Variants in SRSF3 observed in about 807,000 individuals in gnomAD.
SRSF3 encodes the protein serine/arginine-rich splicing factor 3.
For synonymous variants in SRSF3, 87 were observed against 73.6 expected, an observed-to-expected ratio of 1.18 and a Z score of -0.93; for missense variants, 58 against 217.1, an observed-to-expected ratio of 0.27 and a Z score of 4.61.
chr6:36,596,066 A>C (rs1442233966), intron 1 of SRSF3, among the ~76,000 whole-genome samples: 1 of 152,084 alleles, frequency 6.6e-6, no homozygotes, highest in Admixed American at 6.6e-5. Context: ...CTGGGACTAC[A>C]GGTGTGCGCC....
rs558539520 is a variant in SRSF3, at chr6:36,602,500, C to G, written c.*511C>G. On this transcript the variant is annotated 3_prime_UTR_variant, in exon 6 of 6. Coordinates refer to ENST00000373715, the MANE Select transcript of SRSF3 (RefSeq NM_003017.5). ...GGTTTTTGAAAAATCCAACTCTCAT[C>G]CTGGGCAGAGGTTGCCTAGTTGGTA... 2.7e-4 allele frequency: 61 copies of G among 223,168 alleles called. No homozygotes were observed. Among genetic ancestry groups the G allele is most frequent in the African/African-American group, 1.2e-3 (54 of 44,866 alleles). The allele number at this position is 223,168 out of a possible 1,614,324, so 13.8% of individuals were successfully genotyped here. A position where few individuals can be genotyped will look rare whatever the true frequency, so the allele number is the denominator to read the frequency against.
chr6:36,596,013 C>T (rs1778621617), intron 1 of SRSF3, among the ~76,000 whole-genome samples: 1 of 152,074 alleles, frequency 6.6e-6, no homozygotes, highest in Non-Finnish European at 1.5e-5. Flanking sequence ...CCACCTCCGC[C>T]TCGCGGGTTC....
At chr6:36,594,770 A>T (rs1006582519) in intron 1 of SRSF3, 2 of 146,486 alleles carry the variant, frequency 1.4e-5, no homozygotes, top group Middle Eastern at 3.3e-3. Flanking sequence ...CGGCCTTTTT[A>T]TTTTTATGGC....
In SRSF3 at chr6:36,601,673, A is replaced by T. The variant is rs761055571; in HGVS notation, c.381-35A>T. The T allele has an allele frequency of 7.9e-6, 12 of 1,521,920 alleles. No individual in the cohort carries two copies. The African/African-American group carries it at 1.2e-4, about 16-fold the overall frequency. 94.3% of individuals were successfully genotyped at this position (1,521,920 alleles called of 1,614,324 possible). On this transcript the variant is annotated intron_variant, in intron 4 of 5. Coordinates refer to ENST00000373715, the MANE Select transcript of SRSF3 (RefSeq NM_003017.5). ...AAATATTTATGTATAATTTTATCAT[A>T]CCTCATTGGTCCTAATGTTTTTTTG...
rs141150636 is a variant in SRSF3 at position 36,604,810 on chromosome 6, C to G, written c.*2821C>G. On this transcript the variant is annotated 3_prime_UTR_variant, in exon 6 of 6. Transcript: ENST00000373715. ...CTTAGTTTTTCAGGGTGACCTAACC[C>G]TGTGTAATTTTGAGGAGTTCTACAT... is the stretch of plus-strand genomic sequence containing the variant. 1 of 152,174 alleles carries G rather than the reference C, an allele frequency of 6.6e-6. No homozygotes were observed. Among genetic ancestry groups the G allele is most frequent in the Non-Finnish European group, 1.5e-5 (1 of 68,054 alleles). The allele number at this position is 152,174 out of a possible 1,614,324, so 9.4% of individuals were successfully genotyped here.
rs1413843913 is a variant in SRSF3, at chr6:36,602,623, T to C, written c.*634T>C. 9.2e-6 allele frequency: 2 copies of C among 216,406 alleles called. No individual in the cohort carries two copies. Among genetic ancestry groups the C allele is most frequent in the African/African-American group, 2.3e-5 (1 of 44,422 alleles). The allele number at this position is 216,406 out of a possible 1,614,324, so 13.4% of individuals were successfully genotyped here. A position where few individuals can be genotyped will look rare whatever the true frequency, so the allele number is the denominator to read the frequency against. Reference sequence around the variant, plus strand: ...ATACATGGCTGTTCGTGACATTCTTTATGTGCAAATTTGTGATTTCAAAAA... The same window carrying C: ...ATACATGGCTGTTCGTGACATTCTTCATGTGCAAATTTGTGATTTCAAAAA... On this transcript the variant is annotated 3_prime_UTR_variant, in exon 6 of 6. Transcript: ENST00000373715.
At position 36,602,911 on chromosome 6, in the gene SRSF3, G is replaced by A. The variant is rs934196212; in HGVS notation, c.*922G>A. 3 of 211,426 alleles carry A rather than the reference G, an allele frequency of 1.4e-5. No individual in the cohort carries two copies. The highest frequency in any genetic ancestry group is 2.3e-5 in the African/African-American group (1 of 44,070). 13.1% of individuals were successfully genotyped at this position (211,426 alleles called of 1,614,324 possible). A position where few individuals can be genotyped will look rare whatever the true frequency, so the allele number is the denominator to read the frequency against. ...GTGCTTTTGAATTAATAAAATATTA[G>A]CATAATTGTGTATAGTCAGTTGAAC... is the stretch of plus-strand genomic sequence containing the variant. On this transcript the variant is annotated 3_prime_UTR_variant, in exon 6 of 6. Coordinates refer to ENST00000373715, the MANE Select transcript of SRSF3 (RefSeq NM_003017.5).
intron 2 of SRSF3, among the ~76,000 whole-genome samples, chr6:36,597,661 C>G (rs921411035): frequency 1.3e-5 from 2 of 151,966 alleles, no homozygotes; most frequent in Admixed American, 1.3e-4. Flanking sequence ...TGAGTGTTCA[C>G]TGTAAAGCTG....
In SRSF3 at chr6:36,602,523, G is replaced by A. The variant is rs191947414; in HGVS notation, c.*534G>A. The stretch of plus-strand genomic sequence containing the variant: ...ATCCTGGGCAGAGGTTGCCTAGTTG[G>A]TATAGAATGTTAAGTTTCAAGAAAG... On this transcript the variant is annotated 3_prime_UTR_variant, in exon 6 of 6. Coordinates refer to ENST00000373715, the MANE Select transcript of SRSF3 (RefSeq NM_003017.5). The A allele has an allele frequency of 1.8e-3, 393 of 219,890 alleles. 5 individuals carry two copies. Among genetic ancestry groups the A allele is most frequent in the Non-Finnish European group, 6.8e-4 (75 of 109,780 alleles). 13.6% of individuals were successfully genotyped at this position (219,890 alleles called of 1,614,324 possible).
intron 2 of SRSF3, 33 bp from the exon 3 acceptor site, chr6:36,598,816 G>T (rs752847458): frequency 6.2e-7 from 1 of 1,604,926 alleles, no homozygotes; most frequent in Non-Finnish European, 8.5e-7. Context: ...AGAAAGTCAG[G>T]CTGTTTTAAG....
intron 1 of SRSF3, among the ~76,000 whole-genome samples, 186 bp from the exon 2 acceptor site, chr6:36,596,575 G>T (rs1005491127): frequency 7.8e-5 from 1 of 12,866 alleles, no homozygotes; most frequent in Non-Finnish European, 2.5e-4. Flanking sequence ...GCGGGGTGGC[G>T]GGGGGGGGGA....
At chr6:36,600,877 G>T in intron 3 of SRSF3, 1 of 313,178 alleles carries the variant, frequency 3.2e-6, no homozygotes, top group Non-Finnish European at 5.8e-6. Context: ...ATGAAGTTTT[G>T]CATTGGACAG....
rs1159205485 is a variant in SRSF3 at position 36,601,322 on chromosome 6, C to T, written c.380+132C>T. The T allele has an allele frequency of 5.8e-6, 5 of 855,112 alleles. No homozygotes were observed. In the East Asian group the frequency reaches 8.0e-5, roughly 14 times the overall value. The allele number at this position is 855,112 out of a possible 1,614,324, so 53.0% of individuals were successfully genotyped here. ...AGTGAATCAAGTTGTAAGGATGAGT[C>T]AGCTTTCTTTGAGTTTTCAAAGGCT... On this transcript the variant is annotated intron_variant, in intron 4 of 5. Coordinates refer to ENST00000373715, the MANE Select transcript of SRSF3 (RefSeq NM_003017.5).
At chr6:36,598,773 A>G (rs1322320577) in intron 2 of SRSF3, 76 bp from the exon 3 acceptor site, 4 of 1,544,408 alleles carry the variant, frequency 2.6e-6, no homozygotes, top group African/African-American at 2.7e-5. Context: ...AGAATAGCCA[A>G]CTGAGAGTAC....
rs113801971 is a variant in SRSF3, at chr6:36,605,243, G to A, written c.*3254G>A. ...GATGGCTCATGCCTGTAATCCCGGT[G>A]CATTGGGAGGTTGAGGCAGGTGGAT... On this transcript the variant is annotated 3_prime_UTR_variant, in exon 6 of 6. Coordinates refer to ENST00000373715, the MANE Select transcript of SRSF3 (RefSeq NM_003017.5). 0.026 allele frequency: 4,032 copies of A among 152,272 alleles called. 61 individuals carry two copies. The highest frequency in any genetic ancestry group is 0.039 in the African/African-American group (1,640 of 41,538). 9.4% of individuals were successfully genotyped at this position (152,272 alleles called of 1,614,324 possible). A position where few individuals can be genotyped will look rare whatever the true frequency, so the allele number is the denominator to read the frequency against.
At chr6:36,594,925 C>T (rs1778600179) in intron 1 of SRSF3, among the ~76,000 whole-genome samples, 1 of 152,152 alleles carries the variant, frequency 6.6e-6, no homozygotes, top group South Asian at 2.1e-4. Context: ...ATTTTGCAGC[C>T]TGAATCTAAT....
rs752726750 is a variant in SRSF3 at position 36,604,194 on chromosome 6, GA to G, written c.*2207del. On this transcript the variant is annotated 3_prime_UTR_variant, in exon 6 of 6. Transcript: ENST00000373715. ...TCAGGGTTGAGTGTAAAAATGAAAG[GA>G]ATCACAAAACTGAACTTAGACCTGT... 6 of 221,238 alleles carry G rather than the reference GA, an allele frequency of 2.7e-5. No individual in the cohort carries two copies. Among genetic ancestry groups the G allele is most frequent in the Non-Finnish European group, 5.4e-5 (6 of 110,596 alleles). The allele number at this position is 221,238 out of a possible 1,614,324, so 13.7% of individuals were successfully genotyped here. A position where few individuals can be genotyped will look rare whatever the true frequency, so the allele number is the denominator to read the frequency against.
chr6:36,595,802 A>G (rs1205882651), intron 1 of SRSF3, among the ~76,000 whole-genome samples: 4 of 152,236 alleles, frequency 2.6e-5, no homozygotes, highest in Non-Finnish European at 4.4e-5. Context: ...AAAAAACTGT[A>G]AAGTTGGTCT....
intron 2 of SRSF3, chr6:36,597,227 T>C (rs1778645596): frequency 3.9e-6 from 2 of 506,354 alleles, no homozygotes; most frequent in African/African-American, 3.9e-5. Context: ...TGCCTCAGCC[T>C]TCTGAGTAAC....
Sources: gnomAD v4.1 joint callset for allele counts (sites outside exome capture counted in the v4.1 genomes callset) on GRCh38, gnomAD v4.1.1 for gene constraint, MANE v1.5 for transcripts, NCBI Gene and HGNC (gene_info 2026-07-23, HGNC 2026-07-21) for gene names.